TSPAN18: variants seen among roughly 807,000 people sequenced by gnomAD.
The protein encoded by TSPAN18 is tetraspanin-18.
A neutral mutation model predicts 27.3 loss-of-function variants in TSPAN18; 14 were observed. The ratio of observed to expected loss-of-function variants is 0.51; its 90% confidence interval spans 0.34 to 0.80. The LOEUF (loss-of-function observed/expected upper bound fraction) is 0.80. TSPAN18 is among the 30% of genes least tolerant of loss of function. The pLI is 0.01. For synonymous variants in TSPAN18, 143 were observed against 136.5 expected (o/e 1.05, Z -0.33); for missense variants, 268 against 323.9 (o/e 0.83, Z 1.32).
intron 2 of TSPAN18, among the ~76,000 whole-genome samples, chr11:44,768,131 C>A (rs1855611862): frequency 6.6e-6 from 1 of 152,128 alleles, no homozygotes; most frequent in East Asian, 1.9e-4. Flanking sequence ...TTGTTGATAT[C>A]CATAAAACAA....
intron 3 of TSPAN18, among the ~76,000 whole-genome samples, chr11:44,882,719 C>T (rs889474455): frequency 5.3e-5 from 8 of 151,824 alleles, no homozygotes; most frequent in East Asian, 1.9e-4. Flanking sequence ...TGGAGAGAGA[C>T]GGAGGGACAG....
chr11:44,805,038 C>G (rs1417064694), intron 2 of TSPAN18, among the ~76,000 whole-genome samples: 1 of 152,138 alleles, frequency 6.6e-6, no homozygotes, highest in African/African-American at 2.4e-5. Context: ...TGTGGCCGCC[C>G]TTGGTTGGGG....
chr11:44,900,056 A>G (rs554205958), intron 3 of TSPAN18, among the ~76,000 whole-genome samples: 1 of 152,326 alleles, frequency 6.6e-6, no homozygotes, highest in African/African-American at 2.4e-5. Flanking sequence ...TTTAGAAGTA[A>G]GTTAGGAAAC....
intron 2 of TSPAN18, among the ~76,000 whole-genome samples, chr11:44,805,109 G>C (rs904591887): frequency 1.3e-5 from 2 of 152,228 alleles, no homozygotes; most frequent in Non-Finnish European, 2.9e-5. Context: ...ATGGGCGGGA[G>C]CAGCCGGCAC....
At chr11:44,726,910 A>AGGGGGAGGGAGGGCGGGGGAG (rs1294765719), upstream of TSPAN18, 10 of 15,824 alleles carry the variant, frequency 6.3e-4, no homozygotes, top group African/African-American at 8.4e-4. Flanking sequence ...AGGGCGGGGG[A>AGGGGGAGGGAGGGCGGGGGAG]GGGGAGGGAC....
At chr11:44,839,838 C>T (rs1444433005) in intron 2 of TSPAN18, among the ~76,000 whole-genome samples, 3 of 152,132 alleles carry the variant, frequency 2.0e-5, no homozygotes, top group African/African-American at 4.8e-5. Flanking sequence ...CAGAGGTGAG[C>T]GTGACTTGTT....
At chr11:44,864,970 A>G (rs1857996906) in intron 3 of TSPAN18, among the ~76,000 whole-genome samples, 1 of 152,134 alleles carries the variant, frequency 6.6e-6, no homozygotes, top group African/African-American at 2.4e-5. Flanking sequence ...TGGTGAATGG[A>G]TGGATGGGTG....
intron 3 of TSPAN18, among the ~76,000 whole-genome samples, chr11:44,898,035 C>T (rs1268257759): frequency 2.0e-5 from 3 of 152,198 alleles, no homozygotes; most frequent in Non-Finnish European, 4.4e-5. Flanking sequence ...ACTATACATT[C>T]ATTCATCTAT....
intron 2 of TSPAN18, among the ~76,000 whole-genome samples, chr11:44,838,511 G>C (rs1223137428): frequency 6.6e-6 from 1 of 152,198 alleles, no homozygotes; most frequent in Non-Finnish European, 1.5e-5. Context: ...AGATGTGATT[G>C]AGTTAATGTT....
At position 44,778,631 on chromosome 11, in the gene TSPAN18, T is replaced by TC. The variant is rs561343743; in HGVS notation, c.-153+14122dup. On this transcript the variant is annotated intron_variant, in intron 2 of 9. Coordinates refer to ENST00000520358, the MANE Select transcript of TSPAN18 (RefSeq NM_130783.5). Reference sequence around the variant, plus strand: ...TGGCTCACTTGGTCTCTGAGGACTTTCCCAGTGCTAGCCAGCCAGCATTTG... The same window carrying TC: ...TGGCTCACTTGGTCTCTGAGGACTTTCCCCAGTGCTAGCCAGCCAGCATTTG... Among the ~76,000 whole-genome samples the TC allele has an allele frequency of 1.6e-3, 240 of 152,306 alleles. 2 individuals are homozygous for TC. Among genetic ancestry groups the TC allele is most frequent in the African/African-American group, 5.6e-3 (233 of 41,568 alleles).
rs1469319172 is a variant in TSPAN18, at chr11:44,929,676, G to A, written c.*498G>A. On this transcript the variant is annotated 3_prime_UTR_variant, in exon 10 of 10. Coordinates refer to ENST00000520358, the MANE Select transcript of TSPAN18 (RefSeq NM_130783.5). ...ACAGCGCAATCCCTGGTCCACTGGA[G>A]GATGGACTGTTCCCCCCTTCAGGCC... The A allele has an allele frequency of 1.3e-5, 2 of 155,736 alleles. No homozygotes were observed. Among genetic ancestry groups the A allele is most frequent in the Non-Finnish European group, 2.8e-5 (2 of 70,442 alleles). The allele number at this position is 155,736 out of a possible 1,614,324, so 9.6% of individuals were successfully genotyped here. A position where few individuals can be genotyped will look rare whatever the true frequency, so the allele number is the denominator to read the frequency against.
intron 2 of TSPAN18, among the ~76,000 whole-genome samples, chr11:44,798,766 C>A (rs1371810287): frequency 6.6e-6 from 1 of 152,234 alleles, no homozygotes; most frequent in Non-Finnish European, 1.5e-5. Flanking sequence ...GGCACAGCCA[C>A]ATCCAAAAGA....
chr11:44,911,524 C>T (rs1859713302), intron 5 of TSPAN18, among the ~76,000 whole-genome samples: 1 of 152,192 alleles, frequency 6.6e-6, no homozygotes, highest in Non-Finnish European at 1.5e-5. Flanking sequence ...GTGGACAATT[C>T]TCTACAGCTT....
intron 2 of TSPAN18, among the ~76,000 whole-genome samples, chr11:44,821,444 C>A (rs117084576): frequency 0.042 from 6,330 of 152,134 alleles, 178 homozygotes; most frequent in Non-Finnish European, 0.065. Context: ...AAAAGATGAA[C>A]CTGCGATTGT....
chr11:44,861,793 TCACACA>T (rs56816197), intron 3 of TSPAN18, among the ~76,000 whole-genome samples: 16,911 of 131,950 alleles, frequency 0.13, 1,126 homozygotes, highest in Admixed American at 0.2. Context: ...AGCCCAAATT[TCACACA>T]CACACACACA....
intron 1 of TSPAN18, among the ~76,000 whole-genome samples, chr11:44,734,831 G>T (rs999206852): frequency 3.3e-5 from 5 of 152,288 alleles, no homozygotes; most frequent in Non-Finnish European, 2.9e-5. Flanking sequence ...AGATTGCAGC[G>T]TGCTCTAGTG....
At chr11:44,888,142 G>A (rs577221719) in intron 3 of TSPAN18, among the ~76,000 whole-genome samples, 3 of 152,196 alleles carry the variant, frequency 2.0e-5, no homozygotes, top group Non-Finnish European at 2.9e-5. Context: ...CCCAGGACTC[G>A]GGGCTGCCAA....
intron 2 of TSPAN18, among the ~76,000 whole-genome samples, chr11:44,808,752 G>C (rs916573081): frequency 4.6e-5 from 7 of 152,158 alleles, no homozygotes; most frequent in African/African-American, 1.7e-4. Flanking sequence ...ACGAATCTGG[G>C]TTTGTGGACA....
intron 1 of TSPAN18, among the ~76,000 whole-genome samples, chr11:44,751,242 T>C (rs1445777690): frequency 6.6e-6 from 1 of 152,142 alleles, no homozygotes; most frequent in Non-Finnish European, 1.5e-5. Flanking sequence ...CCTGCACACT[T>C]TGTGTTCTGG....
Sources: allele counts gnomAD v4.1 joint callset (sites outside exome capture counted in the v4.1 genomes callset), GRCh38; gene constraint gnomAD v4.1.1; transcripts MANE v1.5; gene names NCBI Gene and HGNC (gene_info 2026-07-23, HGNC 2026-07-21).